Variants in G3BP2 observed in about 807,000 individuals in gnomAD.
The protein encoded by G3BP2 is ras GTPase-activating protein-binding protein 2.
G3BP2 carries 11 observed loss-of-function variants against 56.7 expected under a neutral mutation model. The observed-to-expected ratio is 0.19, with a 90% CI of 0.12 to 0.32. The LOEUF is 0.32. G3BP2 is among the 10% of genes least tolerant of loss of function. The probability of loss-of-function intolerance (pLI) is 1.00; values close to 1 mark genes in which losing one functional copy is unlikely to be tolerated. For missense variants in G3BP2, 340 were observed against 610.9 expected, an observed-to-expected ratio of 0.56 and a Z score of 4.67; for synonymous variants, 165 against 191.6, an observed-to-expected ratio of 0.86 and a Z score of 1.15.
chr4:75,659,010 A>T (rs1366061222), intron 2 of G3BP2, 86 bp from the exon 3 acceptor site: 3 of 1,001,334 alleles, frequency 3.0e-6, no homozygotes, highest in Non-Finnish European at 4.8e-6. Context: ...TAGGTTCCGG[A>T]TCCCGCTCTG....
intron 3 of G3BP2, chr4:75,694,870 G>A: frequency 1.2e-5 from 12 of 985,540 alleles, no homozygotes; most frequent in African/African-American, 1.7e-5. Flanking sequence ...ACATCCAGAA[G>A]TAACAGCCGA....
rs772495908 is a variant in G3BP2 at position 75,648,712 on chromosome 4, T to C, written c.855A>G (p.Gln285=). 9 of 1,607,504 alleles carry C rather than the reference T, an allele frequency of 5.6e-6. 1 individual carries two copies. The Admixed American group carries it at 1.3e-4, about 24-fold the overall frequency. Residue 285 remains glutamine (Q), a synonymous_variant, in exon 9 of 12, where the codon CAA becomes CAG. Transcript: ENST00000359707. The stretch of plus-strand genomic sequence containing the variant: ...GTTCACGCACACGAGGTGGCTGAGA[T>C]TGAACTTCTGGTTTAGCTTCGACTC... ...QPRVEAKPEV[Q]SQPPRVREQR... is the part of the protein sequence containing the mutation.
chr4:75,664,782 A>G (rs1732867190), intron 1 of G3BP2, among the ~76,000 whole-genome samples: 1 of 151,364 alleles, frequency 6.6e-6, no homozygotes, highest in Admixed American at 6.6e-5. Flanking sequence ...CTGGGGGACA[A>G]AGGTTGCAGT....
Position 75,646,426 on chromosome 4 carries a change from T to C in G3BP2, c.1088A>G (p.Asn363Ser). Residue 363 changes from asparagine (N) to serine (S), a missense_variant, in exon 11 of 12, where the codon AAT becomes AGT. By Grantham distance (46) the Asn-to-Ser change is conservative. Transcript: ENST00000359707. ...SFGNVVELRI[N>S]TKGVGGKLPN... is the part of the protein sequence containing the mutation. ...AAGCTTTCCCCCAACACCCTTGGTA[T>C]TGATGCGAAGTTCCACAACGTTTCC... is the stretch of plus-strand genomic sequence containing the variant. 2 of 1,611,618 alleles carry C rather than the reference T, an allele frequency of 1.2e-6. No individual in the cohort carries two copies. Among genetic ancestry groups the C allele is most frequent in the Non-Finnish European group, 1.7e-6 (2 of 1,178,188 alleles).
chr4:75,645,586 A>G lies in G3BP2; in HGVS notation c.1293T>C (p.Asp431=). 6.2e-7 allele frequency: 1 copy of G among 1,613,842 alleles called. No individual in the cohort carries two copies. The highest frequency in any genetic ancestry group is 8.5e-7 in the Non-Finnish European group (1 of 1,179,946). Residue 431 remains aspartate, a synonymous_variant, in exon 12 of 12, where the codon GAT becomes GAC. Coordinates refer to ENST00000359707, the MANE Select transcript of G3BP2 (RefSeq NM_203505.3). ...GDDRRDIRRN[D]RGPGGPRGIV... is the part of the protein sequence containing the mutation. ...TTCCACGTGGACCACCGGGACCTCG[A>G]TCATTGCGCCTAATATCCCTGCGAT...
chr4:75,710,218 C>T (rs1310186959), intron 3 of G3BP2, among the ~76,000 whole-genome samples: 1 of 152,120 alleles, frequency 6.6e-6, no homozygotes, highest in Non-Finnish European at 1.5e-5. Flanking sequence ...CTGCCTTGAC[C>T]TCCCAAAGTG....
At chr4:75,714,580 A>G (rs1719868195) in intron 3 of G3BP2, among the ~76,000 whole-genome samples, 1 of 152,154 alleles carries the variant, frequency 6.6e-6, no homozygotes, top group Non-Finnish European at 1.5e-5. Context: ...GTGAGCCAAG[A>G]TCGCACCACC....
At chr4:75,669,237 T>C (rs542186462) in intron 1 of G3BP2, among the ~76,000 whole-genome samples, 1 of 152,208 alleles carries the variant, frequency 6.6e-6, no homozygotes, top group Non-Finnish European at 1.5e-5. Flanking sequence ...CACCACATAC[T>C]GAACACCTAG....
chr4:75,722,513 G>T (rs572907483), intron 1 of G3BP2, among the ~76,000 whole-genome samples: 1 of 152,180 alleles, frequency 6.6e-6, no homozygotes, highest in Non-Finnish European at 1.5e-5. Flanking sequence ...TCCTGATGAT[G>T]GGGTAGAGTG....
At chr4:75,684,722 A>T (rs1225585089) in intron 3 of G3BP2, among the ~76,000 whole-genome samples, 3 of 151,942 alleles carry the variant, frequency 2.0e-5, no homozygotes, top group Non-Finnish European at 2.9e-5. Context: ...TCTGAAGCCT[A>T]AGCATATTTT....
chr4:75,686,154 T>A (rs1309650024), intron 3 of G3BP2, among the ~76,000 whole-genome samples: 1 of 152,230 alleles, frequency 6.6e-6, no homozygotes, highest in Non-Finnish European at 1.5e-5. Context: ...GACAAATTAA[T>A]GATAGTGTTC....
Position 75,647,017 on chromosome 4 carries a change from T to C in G3BP2, c.1057+12A>G. 2 of 1,548,130 alleles carry C rather than the reference T, an allele frequency of 1.3e-6. No individual in the cohort carries two copies. Among genetic ancestry groups the C allele is most frequent in the Non-Finnish European group, 1.8e-6 (2 of 1,138,364 alleles). On this transcript the variant is annotated intron_variant, in intron 10 of 11. Coordinates refer to ENST00000359707, the MANE Select transcript of G3BP2 (RefSeq NM_203505.3). Reference sequence around the variant, plus strand: ...TAATTTAAAAACTCCAACAGCAAAATAAATCACTTACTCATGAAGAATTCC... The same window carrying C: ...TAATTTAAAAACTCCAACAGCAAAACAAATCACTTACTCATGAAGAATTCC...
At chr4:75,713,229 T>G (rs1719819375) in intron 3 of G3BP2, among the ~76,000 whole-genome samples, 1 of 152,164 alleles carries the variant, frequency 6.6e-6, no homozygotes, top group Non-Finnish European at 1.5e-5. Flanking sequence ...ATGGACACAG[T>G]TCTTAACAAA....
chr4:75,710,779 G>A (rs915248533), intron 3 of G3BP2, among the ~76,000 whole-genome samples: 1 of 151,986 alleles, frequency 6.6e-6, no homozygotes, highest in Non-Finnish European at 1.5e-5. Context: ...CAATCCTCCT[G>A]TCTCAGCCTC....
At chr4:75,686,383 C>G (rs1390771122) in intron 3 of G3BP2, among the ~76,000 whole-genome samples, 2 of 151,978 alleles carry the variant, frequency 1.3e-5, no homozygotes, top group African/African-American at 4.8e-5. Flanking sequence ...GTACAGGGTA[C>G]AGTGAGAACA....
intron 3 of G3BP2, among the ~76,000 whole-genome samples, chr4:75,706,922 G>T (rs932691914): frequency 3.3e-5 from 5 of 152,118 alleles, no homozygotes; most frequent in Non-Finnish European, 7.4e-5. Flanking sequence ...GCCAGGCTTG[G>T]TGGCTCATGC....
intron 1 of G3BP2, among the ~76,000 whole-genome samples, chr4:75,664,164 G>A (rs1254462584): frequency 6.6e-6 from 1 of 151,662 alleles, no homozygotes; most frequent in African/African-American, 2.4e-5. Flanking sequence ...TTACAGGCGT[G>A]AGCCACCGTG....
intron 2 of G3BP2, 148 bp downstream of exon 2, chr4:75,661,783 C>T: frequency 5.4e-6 from 3 of 550,634 alleles, no homozygotes; most frequent in South Asian, 2.8e-5. Flanking sequence ...ACACTTTTTG[C>T]CATCAAATGA....
chr4:75,719,355 A>G (rs1303152923), intron 3 of G3BP2, among the ~76,000 whole-genome samples: 1 of 151,532 alleles, frequency 6.6e-6, no homozygotes, highest in African/African-American at 2.4e-5. Flanking sequence ...CTCAAAAAAA[A>G]AAAAAAAAAA....
Sources: allele counts gnomAD v4.1 joint callset (sites outside exome capture counted in the v4.1 genomes callset), GRCh38; gene constraint gnomAD v4.1.1; transcripts MANE v1.5; gene names NCBI Gene and HGNC (gene_info 2026-07-23, HGNC 2026-07-21).